Variants in ADCY2 observed in about 807,000 individuals in gnomAD.
ADCY2 encodes adenylate cyclase 2.
Under a neutral mutation model 125.2 loss-of-function variants are expected in ADCY2, and 31 were observed. That is an observed-to-expected ratio of 0.25 (90% CI 0.19 to 0.33). ADCY2 has a LOEUF of 0.33. Ranked by LOEUF, ADCY2 falls within the 10% of genes least tolerant of loss-of-function variation. The pLI, the probability that ADCY2 is intolerant of heterozygous loss-of-function variation, is 1.00. For missense variants in ADCY2, 904 were observed against 1,418.2 expected (o/e 0.64, Z 5.82); for synonymous variants, 512 against 548.4 (o/e 0.93, Z 0.93).
At chr5:7,550,894 G>A (rs1561088712) in intron 3 of ADCY2, among the ~76,000 whole-genome samples, 1 of 152,088 alleles carries the variant, frequency 6.6e-6, no homozygotes, top group Non-Finnish European at 1.5e-5. Context: ...ATTCTCTCTT[G>A]TCTTTGTACC....
intron 2 of ADCY2, among the ~76,000 whole-genome samples, chr5:7,482,094 G>T (rs1447794455): frequency 6.6e-6 from 1 of 152,090 alleles, no homozygotes; most frequent in African/African-American, 2.4e-5. Flanking sequence ...CTCAGAAATG[G>T]TATAAGATTT....
chr5:7,811,274 G>A (rs778978535), intron 22 of ADCY2, among the ~76,000 whole-genome samples: 19 of 152,198 alleles, frequency 1.2e-4, no homozygotes, highest in East Asian at 1.9e-4. Flanking sequence ...GGGCCAAGGC[G>A]GGTGGATCAT....
At chr5:7,826,195 A>G (rs139216808) in intron 24 of ADCY2, among the ~76,000 whole-genome samples, 52 of 152,246 alleles carry the variant, frequency 3.4e-4, no homozygotes, top group African/African-American at 1.0e-3. Flanking sequence ...AGGAGTCTAC[A>G]GTGCTCAGTG....
rs952878451 is a variant in ADCY2, at chr5:7,802,299, G to A, written c.2710G>A (p.Asp904Asn). Residue 904 changes from aspartate (D) to asparagine (N), a missense_variant, in exon 21 of 25, where the codon GAC (aspartate) becomes AAC (asparagine). Asp to Asn is a conservative substitution (Grantham distance 23). This residue lies in a region of ADCY2 where 181 missense variants were observed against 381.6 expected (regional missense o/e 0.47). Transcript: ENST00000338316. The surrounding 1 kb of genome is among the most constrained non-coding windows in gnomAD (Gnocchi z 4.6). ...TTTCAAAGAATTTTATACAGAATCC[G>A]ACGTGAACAAGGAGGGCTTGGAATG... ...PDFKEFYTES[D>N]VNKEGLECLR... 1.9e-6 allele frequency: 3 copies of A among 1,614,144 alleles called. No homozygotes were observed. The highest frequency in any genetic ancestry group is 1.1e-5 in the South Asian group (1 of 91,076).
chr5:7,624,930 C>A (rs192084049), intron 3 of ADCY2, among the ~76,000 whole-genome samples: 1 of 152,124 alleles, frequency 6.6e-6, no homozygotes, highest in Non-Finnish European at 1.5e-5. Context: ...ACAGGTAGAC[C>A]TGTAGGTCTT....
At chr5:7,470,488 A>G (rs1266279772) in intron 2 of ADCY2, among the ~76,000 whole-genome samples, 1 of 149,276 alleles carries the variant, frequency 6.7e-6, no homozygotes, top group East Asian at 1.9e-4. Flanking sequence ...TTAGACTATA[A>G]TATTAGACTA....
At chr5:7,478,265 G>A (rs538536660) in intron 2 of ADCY2, among the ~76,000 whole-genome samples, 29 of 152,068 alleles carry the variant, frequency 1.9e-4, no homozygotes, top group Non-Finnish European at 3.8e-4. Context: ...ATAACAAAAG[G>A]GTTAACAAGG....
intron 22 of ADCY2, among the ~76,000 whole-genome samples, chr5:7,811,525 T>C (rs1036971628): frequency 6.6e-6 from 1 of 151,480 alleles, no homozygotes; most frequent in Non-Finnish European, 1.5e-5. Context: ...AAAAAATCTG[T>C]GTTTTTGCTT....
At chr5:7,592,675 T>A (rs1282585401) in intron 3 of ADCY2, among the ~76,000 whole-genome samples, 1 of 152,212 alleles carries the variant, frequency 6.6e-6, no homozygotes, top group Non-Finnish European at 1.5e-5. Context: ...AAGGTTGGTA[T>A]TGATGCCAAA....
At chr5:7,562,757 T>C (rs1735746920) in intron 3 of ADCY2, among the ~76,000 whole-genome samples, 1 of 152,138 alleles carries the variant, frequency 6.6e-6, no homozygotes, top group Non-Finnish European at 1.5e-5. Context: ...AGACTTTAAG[T>C]TTTTACCAAA....
intron 2 of ADCY2, among the ~76,000 whole-genome samples, chr5:7,445,769 C>T (rs959522560): frequency 2.6e-5 from 4 of 152,156 alleles, no homozygotes; most frequent in Non-Finnish European, 4.4e-5. Context: ...TTTTCTAGCA[C>T]TGTGTCTTCT....
chr5:7,690,916 TC>T, intron 5 of ADCY2, 77 bp downstream of exon 5: 1 of 1,386,000 alleles, frequency 7.2e-7, no homozygotes, highest in Non-Finnish European at 9.5e-7. Flanking sequence ...ATCTCACACC[TC>T]ATATCACCAT....
intron 2 of ADCY2, among the ~76,000 whole-genome samples, chr5:7,489,138 G>C (rs747932633): frequency 6.6e-6 from 1 of 152,164 alleles, no homozygotes; most frequent in South Asian, 2.1e-4. Flanking sequence ...TGAAACATGC[G>C]TCTTGGGTGT....
At chr5:7,400,486 C>G (rs956069064) in intron 1 of ADCY2, among the ~76,000 whole-genome samples, 3 of 152,104 alleles carry the variant, frequency 2.0e-5, no homozygotes, top group African/African-American at 7.2e-5. Context: ...CTTATTCTTC[C>G]AAAACAAATT....
intron 4 of ADCY2, among the ~76,000 whole-genome samples, chr5:7,672,227 T>G (rs1739960442): frequency 6.6e-6 from 1 of 152,262 alleles, no homozygotes; most frequent in Non-Finnish European, 1.5e-5. Flanking sequence ...TGGCTTTTAT[T>G]GTAAAGTACA....
At chr5:7,449,671 T>C (rs1376552985) in intron 2 of ADCY2, among the ~76,000 whole-genome samples, 2 of 152,212 alleles carry the variant, frequency 1.3e-5, no homozygotes, top group East Asian at 3.9e-4. Context: ...CAACTCCATA[T>C]ACAGTATAGG....
chr5:7,804,464 C>T (rs73047092), intron 21 of ADCY2, 121 bp from the exon 22 acceptor site: 17,077 of 771,316 alleles, frequency 0.022, 812 homozygotes, highest in African/African-American at 0.16. Flanking sequence ...AGGGTGCATA[C>T]GCAGTGGTTG....
intron 22 of ADCY2, among the ~76,000 whole-genome samples, chr5:7,809,033 C>T (rs1744850365): frequency 6.6e-6 from 1 of 152,046 alleles, no homozygotes; most frequent in African/African-American, 2.4e-5. Flanking sequence ...TGATCACGCC[C>T]TTTGCATGAG....
intron 3 of ADCY2, among the ~76,000 whole-genome samples, chr5:7,550,365 A>G (rs1395393295): frequency 6.6e-6 from 1 of 152,224 alleles, no homozygotes; most frequent in Non-Finnish European, 1.5e-5. Context: ...GTATCATTAA[A>G]GAAGAAGTAT....
Sources: gnomAD v4.1 joint callset for allele counts (sites outside exome capture counted in the v4.1 genomes callset) on GRCh38, gnomAD v4.1.1 for gene constraint, gnomAD v4.1.1 regional missense constraint, Gnocchi (gnomAD v3.1) non-coding constraint, MANE v1.5 for transcripts, NCBI Gene and HGNC (gene_info 2026-07-23, HGNC 2026-07-21) for gene names.